Variants in NRXN1 observed in about 807,000 individuals in gnomAD.
NRXN1 encodes the protein neurexin 1, also known as neurexin-1.
A neutral mutation model predicts 150.9 loss-of-function variants in NRXN1; 39 were observed. The ratio of observed to expected loss-of-function variants is 0.26; its 90% CI spans 0.20 to 0.34. The LOEUF (loss-of-function observed/expected upper bound fraction) is 0.34, where lower values mean the gene tolerates loss of function less well. Among genes scored for constraint, NRXN1 ranks in the 10% least tolerant of loss-of-function variants. The pLI, the probability that NRXN1 is intolerant of heterozygous loss-of-function variation, is 1.00. For synonymous variants in NRXN1, 924 were observed against 757.0 expected, an observed-to-expected ratio of 1.22 and a Z score of -3.62; for missense variants, 1,815 against 1,949.9, an observed-to-expected ratio of 0.93 and a Z score of 1.30.
chr2:51,015,826 A>C (rs559399166), intron 2 of NRXN1, among the ~76,000 whole-genome samples: 2 of 152,128 alleles, frequency 1.3e-5, no homozygotes, highest in Admixed American at 1.3e-4. Context: ...TAACTGAAAA[A>C]TGGAGCACGT....
chr2:50,292,541 T>C (rs1164768514), intron 17 of NRXN1, among the ~76,000 whole-genome samples: 1 of 152,116 alleles, frequency 6.6e-6, no homozygotes, highest in Non-Finnish European at 1.5e-5. Flanking sequence ...AGATCCATTG[T>C]CCCCACTTAA....
intron 5 of NRXN1, among the ~76,000 whole-genome samples, chr2:50,810,909 G>A (rs1251739893): frequency 6.6e-6 from 1 of 152,026 alleles, no homozygotes; most frequent in African/African-American, 2.4e-5. Flanking sequence ...GAACTCGAGA[G>A]GCGGTGATTG....
intron 17 of NRXN1, among the ~76,000 whole-genome samples, chr2:50,389,205 G>A (rs2081524466): frequency 6.6e-6 from 1 of 150,722 alleles, no homozygotes; most frequent in Non-Finnish European, 1.5e-5. Flanking sequence ...AAGTAAATAT[G>A]TGTGCAAGCA....
chr2:50,645,982 T>C (rs1684762254), intron 5 of NRXN1, among the ~76,000 whole-genome samples: 1 of 151,928 alleles, frequency 6.6e-6, no homozygotes, highest in South Asian at 2.1e-4. Context: ...GATACTCAAC[T>C]GGCATGCTGG....
intron 17 of NRXN1, among the ~76,000 whole-genome samples, chr2:50,246,024 G>A (rs1275890930): frequency 6.6e-6 from 1 of 151,836 alleles, no homozygotes; most frequent in East Asian, 1.9e-4. Context: ...TCATTTTAGA[G>A]TTTTTCTAAT....
At chr2:49,936,082 A>C (rs892096986) in intron 22 of NRXN1, among the ~76,000 whole-genome samples, 1 of 152,200 alleles carries the variant, frequency 6.6e-6, no homozygotes, top group Non-Finnish European at 1.5e-5. Flanking sequence ...CTAAAAACTT[A>C]TGCTGTACTC....
chr2:49,949,999 A>AT (rs1673637310), intron 21 of NRXN1, among the ~76,000 whole-genome samples: 1 of 151,796 alleles, frequency 6.6e-6, no homozygotes, highest in African/African-American at 2.4e-5. Flanking sequence ...GAAAAAAAAA[A>AT]ATTTTAACAG....
chr2:50,807,919 T>C (rs1667720886), intron 5 of NRXN1, among the ~76,000 whole-genome samples: 3 of 152,166 alleles, frequency 2.0e-5, no homozygotes, highest in African/African-American at 7.2e-5. Flanking sequence ...TATGCCAAAC[T>C]TACTAGGTCT....
chr2:50,952,045 C>T (rs1691458238), intron 2 of NRXN1, among the ~76,000 whole-genome samples: 1 of 142,338 alleles, frequency 7.0e-6, no homozygotes. Context: ...CGGCTCACTG[C>T]AAGCTCCGCC....
intron 14 of NRXN1, among the ~76,000 whole-genome samples, 163 bp from the exon 15 acceptor site, chr2:50,496,258 A>G (rs1352082054): frequency 6.6e-6 from 1 of 152,194 alleles, no homozygotes; most frequent in African/African-American, 2.4e-5. Flanking sequence ...GGTAACAAAC[A>G]CTATTCTGTT....
intron 9 of NRXN1, among the ~76,000 whole-genome samples, chr2:50,545,326 T>C (rs2105302782): frequency 6.6e-6 from 1 of 152,286 alleles, no homozygotes; most frequent in African/African-American, 2.4e-5. Flanking sequence ...AGGTTGTAAA[T>C]ATCAATCAAA....
chr2:50,900,240 T>C (rs973627525), intron 5 of NRXN1, among the ~76,000 whole-genome samples: 2 of 152,172 alleles, frequency 1.3e-5, no homozygotes, highest in African/African-American at 4.8e-5. Context: ...TTGGACAATG[T>C]GGGATTTTTA....
intron 9 of NRXN1, among the ~76,000 whole-genome samples, chr2:50,541,044 G>A (rs2093378248): frequency 6.6e-6 from 1 of 152,132 alleles, no homozygotes; most frequent in Non-Finnish European, 1.5e-5. Context: ...AAAAGCCGTA[G>A]AATTTTTGAG....
chr2:50,335,621 T>C (rs1241658505), intron 17 of NRXN1, among the ~76,000 whole-genome samples: 1 of 151,636 alleles, frequency 6.6e-6, no homozygotes, highest in African/African-American at 2.4e-5. Context: ...ACTGCAGCAA[T>C]AGCCTTGACA....
intron 21 of NRXN1, chr2:50,019,317 T>C (rs1687121814): frequency 2.1e-6 from 1 of 471,126 alleles, no homozygotes; most frequent in South Asian, 1.5e-5. Context: ...ATTCTGTACT[T>C]TTCTGGTATC....
intron 5 of NRXN1, among the ~76,000 whole-genome samples, chr2:50,797,912 A>C (rs573086186): frequency 1.3e-5 from 2 of 152,306 alleles, no homozygotes; most frequent in African/African-American, 4.8e-5. Flanking sequence ...AGCTAAAAGA[A>C]CAGTTGTCTT....
intron 18 of NRXN1, among the ~76,000 whole-genome samples, chr2:50,123,057 T>C (rs1704087497): frequency 6.6e-6 from 1 of 152,218 alleles, no homozygotes; most frequent in African/African-American, 2.4e-5. Flanking sequence ...TAATTACATT[T>C]ATTTCAACTT....
chr2:50,274,045 T>C (rs2070072994), intron 17 of NRXN1, among the ~76,000 whole-genome samples: 1 of 152,182 alleles, frequency 6.6e-6, no homozygotes, highest in Admixed American at 6.5e-5. Flanking sequence ...CAAAGGATTA[T>C]AAATCATTCT....
chr2:49,976,095 T>G lies in NRXN1; in HGVS notation c.4129-32304A>C, dbSNP rs1317009388. 2.0e-5 allele frequency among the ~76,000 whole-genome samples: 3 copies of G among 146,476 alleles called. No homozygotes were observed. The Admixed American group carries it at 2.1e-4, about 10-fold the overall frequency. On this transcript the variant is annotated intron_variant, in intron 21 of 22. Transcript: ENST00000401669. ...TGGAGTGCAGTGGTGGGATCTAGAC[T>G]CACTGCAACCTCTGCCTCTCAGGTT...
Sources: allele counts gnomAD v4.1 joint callset (sites outside exome capture counted in the v4.1 genomes callset), GRCh38; gene constraint gnomAD v4.1.1; transcripts MANE v1.5; gene names NCBI Gene and HGNC (gene_info 2026-07-23, HGNC 2026-07-21).